SRSF4: variants seen among roughly 807,000 people sequenced by gnomAD.
The protein encoded by SRSF4 is serine/arginine-rich splicing factor 4.
A neutral mutation model predicts 48.8 loss-of-function variants in SRSF4; 12 were observed. That is an observed-to-expected ratio of 0.25 (90% CI 0.16 to 0.40). The LOEUF (loss-of-function observed/expected upper bound fraction) is 0.40, where lower values mean the gene tolerates loss of function less well. Ranked by LOEUF, SRSF4 falls within the 10% of genes least tolerant of loss-of-function variation. SRSF4 has a pLI of 1.00. For missense variants in SRSF4, 466 were observed against 667.1 expected, an observed-to-expected ratio of 0.70 and a Z score of 3.32; for synonymous variants, 248 against 232.5, an observed-to-expected ratio of 1.07 and a Z score of -0.61.
rs1267200858 is a variant in SRSF4 at position 29,159,642 on chromosome 1, A to G, written c.251-156T>C. The G allele has an allele frequency of 1.3e-5, 6 of 470,596 alleles. No individual in the cohort carries two copies. In the Admixed American group the frequency reaches 2.3e-4, roughly 18 times the overall value. 29.2% of individuals were successfully genotyped at this position (470,596 alleles called of 1,614,324 possible). ...ACCCTTAATTCTAAAATAGATTTTT[A>G]AAGAAGCAATCAGCTAAATATAAAC... On this transcript the variant is annotated intron_variant, in intron 2 of 5. Coordinates refer to ENST00000373795, the MANE Select transcript of SRSF4 (RefSeq NM_005626.5).
Position 29,168,012 on chromosome 1 carries a change from C to CTTTT in SRSF4, c.108-7499_108-7496dup, listed in dbSNP as rs5773233. On this transcript the variant is annotated intron_variant, in intron 1 of 5. Coordinates refer to ENST00000373795, the MANE Select transcript of SRSF4 (RefSeq NM_005626.5). ...GCTCTAAACCACAAGGTTCTAATTCCTTTTTTTTTTTTTTTTTAAAAAAAA... is the reference window on the plus strand; with the variant it reads ...GCTCTAAACCACAAGGTTCTAATTCCTTTTTTTTTTTTTTTTTTTTTAAAAAAAA... Among the ~76,000 whole-genome samples the CTTTT allele has an allele frequency of 1.4e-3, 183 of 133,306 alleles. 1 individual carries two copies. Among genetic ancestry groups the CTTTT allele is most frequent in the African/African-American group, 3.4e-3 (123 of 36,160 alleles). The allele number at this position is 133,306 out of a possible 152,430, so 87.5% of individuals were successfully genotyped here.
At chr1:29,150,492 G>T (rs1672392722) in intron 4 of SRSF4, among the ~76,000 whole-genome samples, 1 of 152,082 alleles carries the variant, frequency 6.6e-6, no homozygotes, top group Admixed American at 6.6e-5. Context: ...TCGAACTCCT[G>T]ACCTCAGGTG....
chr1:29,180,479 C>T (rs1160817784), intron 1 of SRSF4, among the ~76,000 whole-genome samples: 1 of 152,194 alleles, frequency 6.6e-6, no homozygotes, highest in Non-Finnish European at 1.5e-5. Flanking sequence ...TTTGAGAATA[C>T]GGTAGCTACC....
intron 1 of SRSF4, among the ~76,000 whole-genome samples, chr1:29,161,866 T>C (rs1672602383): frequency 6.6e-6 from 1 of 152,264 alleles, no homozygotes; most frequent in Non-Finnish European, 1.5e-5. Context: ...GCGCTAGGAT[T>C]ATAGGCGTGA....
At chr1:29,171,623 A>G (rs1672745870) in intron 1 of SRSF4, 1 of 152,052 alleles carries the variant, frequency 6.6e-6, no homozygotes, top group Admixed American at 6.6e-5. Context: ...TTTCAGTGTT[A>G]GCTTACAAAT....
At chr1:29,158,591 G>T (rs546484860) in intron 3 of SRSF4, among the ~76,000 whole-genome samples, 95 of 151,868 alleles carry the variant, frequency 6.3e-4, no homozygotes, top group African/African-American at 2.2e-3. Context: ...CACCACGCCC[G>T]GCTAATTTTT....
chr1:29,150,010 A>ATC (rs1672381591), intron 5 of SRSF4, 93 bp downstream of exon 5: 1 of 1,049,296 alleles, frequency 9.5e-7, no homozygotes, highest in Non-Finnish European at 1.4e-6. Context: ...CTTGGGTGAC[A>ATC]GAGTGTCTCT....
At chr1:29,160,748 G>A (rs577473061) in intron 1 of SRSF4, among the ~76,000 whole-genome samples, 33 of 152,198 alleles carry the variant, frequency 2.2e-4, no homozygotes, top group Non-Finnish European at 4.7e-4. Flanking sequence ...GAGGAGGCTG[G>A]CTACATACAC....
intron 1 of SRSF4, chr1:29,173,199 G>A (rs1672772904): frequency 7.3e-6 from 1 of 136,314 alleles, no homozygotes; most frequent in South Asian, 2.3e-4. Context: ...GTGCAGTGGT[G>A]CGATCTCGGC....
In SRSF4 at chr1:29,160,357, T is replaced by C. The variant is rs1468748672; in HGVS notation, c.250+18A>G. On this transcript the variant is annotated intron_variant, in intron 2 of 5. Transcript: ENST00000373795. ...CAAAAGCACGTTACTGATAAAAGTA[T>C]GCCCTTTGAATGCTTACTGCGTCCA... is the stretch of plus-strand genomic sequence containing the variant. 2 of 1,600,332 alleles carry C rather than the reference T, an allele frequency of 1.2e-6. No individual in the cohort carries two copies. Among genetic ancestry groups the C allele is most frequent in the Admixed American group, 1.8e-5 (1 of 56,150 alleles).
At chr1:29,177,523 C>G (rs1359004283) in intron 1 of SRSF4, among the ~76,000 whole-genome samples, 1 of 152,174 alleles carries the variant, frequency 6.6e-6, no homozygotes, top group African/African-American at 2.4e-5. Context: ...CTTGGGTGAT[C>G]TGCCTGCCTT....
At chr1:29,178,353 C>CTTCTTTT (rs141096220) in intron 1 of SRSF4, among the ~76,000 whole-genome samples, 6 of 127,882 alleles carry the variant, frequency 4.7e-5, no homozygotes, top group Non-Finnish European at 6.4e-5. Context: ...GTTTCAATTA[C>CTTCTTTT]TTTTTTTTTT....
chr1:29,154,352 C>T (rs1487674287), intron 4 of SRSF4: 4 of 207,164 alleles, frequency 1.9e-5, no homozygotes, highest in East Asian at 2.6e-4. Flanking sequence ...ACATGCGCCA[C>T]AGCGCCCAGC....
At chr1:29,177,960 T>C (rs1181080222) in intron 1 of SRSF4, among the ~76,000 whole-genome samples, 1 of 146,316 alleles carries the variant, frequency 6.8e-6, no homozygotes, top group Non-Finnish European at 1.5e-5. Context: ...AGTGCAGTGA[T>C]GCAATCTCTG....
intron 1 of SRSF4, 149 bp downstream of exon 1, chr1:29,181,497 G>C (rs1221132326): frequency 1.6e-6 from 1 of 610,564 alleles, no homozygotes; most frequent in African/African-American, 2.0e-5. Flanking sequence ...GGGCCTACCC[G>C]CGCCCCCGAG....
At chr1:29,154,364 T>G in intron 4 of SRSF4, 1 of 215,378 alleles carries the variant, frequency 4.6e-6, no homozygotes, top group Non-Finnish European at 9.2e-6. Flanking sequence ...GCGCCCAGCA[T>G]TTTTGTATTT....
At chr1:29,179,876 T>C (rs1218928118) in intron 1 of SRSF4, among the ~76,000 whole-genome samples, 1 of 152,234 alleles carries the variant, frequency 6.6e-6, no homozygotes, top group Admixed American at 6.5e-5. Flanking sequence ...GGTGGACATT[T>C]TGTTGATGGG....
At chr1:29,170,660 G>T (rs1672733906) in intron 1 of SRSF4, 2 of 152,250 alleles carry the variant, frequency 1.3e-5, no homozygotes, top group South Asian at 4.1e-4. Context: ...CTTTTAAAAT[G>T]GATGGATCAA....
chr1:29,179,454 G>C (rs1226864556), intron 1 of SRSF4, among the ~76,000 whole-genome samples: 1 of 152,132 alleles, frequency 6.6e-6, no homozygotes, highest in Non-Finnish European at 1.5e-5. Context: ...TGAAATCCTA[G>C]GCTGAAGTGA....
Sources: gnomAD v4.1 joint callset for allele counts (sites outside exome capture counted in the v4.1 genomes callset) on GRCh38, gnomAD v4.1.1 for gene constraint, MANE v1.5 for transcripts, NCBI Gene and HGNC (gene_info 2026-07-23, HGNC 2026-07-21) for gene names.